The following ANOS1 variants were observed in gnomAD, a reference collection of about 807,000 sequenced individuals.
The protein encoded by ANOS1 is anosmin-1.
In ANOS1, 6 loss-of-function variants were observed where a neutral mutation model predicts 59.0. That is an observed-to-expected ratio of 0.10 (90% CI 0.06 to 0.20). The LOEUF (loss-of-function observed/expected upper bound fraction) is 0.20, where lower values mean the gene tolerates loss of function less well. Among genes scored for constraint, ANOS1 ranks in the 10% least tolerant of loss-of-function variants. The pLI is 1.00. For missense variants in ANOS1, 433 were observed against 542.3 expected, an observed-to-expected ratio of 0.80 and a Z score of 2.00; for synonymous variants, 217 against 223.4, an observed-to-expected ratio of 0.97 and a Z score of 0.25.
intron 12 of ANOS1, chrX:8,535,103 ATTT>A (rs139686267): frequency 4.4e-4 from 42 of 95,070 alleles, no homozygotes; most frequent in South Asian, 1.4e-3. Flanking sequence ...CCCACACATG[ATTT>A]TTTTTTTTTT....
Position 8,554,080 on chromosome X carries a change from G to A in ANOS1, c.1226C>T (p.Thr409Ile). Reference protein sequence around the residue: ...ATNNKEQLVKTRKGGIQTQLP... With the variant: ...ATNNKEQLVKIRKGGIQTQLP... ...TTGTGTTTGAATTCCACCTTTTCTA[G>A]TTTTCACAAGCTGTTCTTCTACAAC... is the stretch of plus-strand genomic sequence containing the variant. The change falls in exon 9 of 14, where the codon ACT becomes ATT. Residue 409 changes from threonine (T) to isoleucine (I), a missense_variant. Transcript: ENST00000262648. 8.3e-7 allele frequency: 1 copy of A among 1,203,113 alleles called. No individual in the cohort carries two copies. The highest frequency in any genetic ancestry group is 1.8e-5 in the South Asian group (1 of 56,687).
chrX:8,548,073 T>C (rs1446669064), intron 9 of ANOS1, among the ~76,000 whole-genome samples: 1 of 112,667 alleles, frequency 8.9e-6, no homozygotes, highest in Non-Finnish European at 1.9e-5. Flanking sequence ...CATTTTTGGA[T>C]GTATTAAAAT....
Position 8,532,778 on chromosome X carries a change from G to T in ANOS1, c.*217C>A. 1 of 373,471 alleles carries T rather than the reference G, an allele frequency of 2.7e-6. No homozygotes were observed. The highest frequency in any genetic ancestry group is 4.7e-6 in the Non-Finnish European group (1 of 212,808). 30.8% of individuals were successfully genotyped at this position (373,471 alleles called of 1,213,427 possible). On this transcript the variant is annotated 3_prime_UTR_variant, in exon 14 of 14. Transcript: ENST00000262648. ...CAGGCCTATTCTTCATTTTCTCCAT[G>T]CTTGTAGGGAACTGGTGTCTGTCTT... is the stretch of plus-strand genomic sequence containing the variant.
At chrX:8,662,389 G>T (rs1455098428) in intron 2 of ANOS1, among the ~76,000 whole-genome samples, 1 of 111,589 alleles carries the variant, frequency 9.0e-6, no homozygotes, top group Admixed American at 9.5e-5. Context: ...AACACCACAG[G>T]TCCTGGTTTT....
chrX:8,693,344 C>A (rs1422291358), intron 2 of ANOS1, among the ~76,000 whole-genome samples: 1 of 111,512 alleles, frequency 9.0e-6, no homozygotes, highest in Non-Finnish European at 1.9e-5. Context: ...TCTGTATCAC[C>A]TATGTTCCCT....
intron 2 of ANOS1, among the ~76,000 whole-genome samples, chrX:8,685,755 A>T (rs994048209): frequency 8.9e-6 from 1 of 111,830 alleles, no homozygotes; most frequent in African/African-American, 3.3e-5. Flanking sequence ...CAAGATTTAC[A>T]AAGTGCACAC....
intron 8 of ANOS1, among the ~76,000 whole-genome samples, chrX:8,556,857 T>A (rs1419568762): frequency 9.1e-6 from 1 of 110,077 alleles, no homozygotes; most frequent in Non-Finnish European, 1.9e-5. Flanking sequence ...CAAAAAAGAG[T>A]CCATATAGCC....
At chrX:8,613,813 T>C (rs1931110726) in intron 3 of ANOS1, among the ~76,000 whole-genome samples, 1 of 111,494 alleles carries the variant, frequency 9.0e-6, no homozygotes, top group African/African-American at 3.3e-5. Context: ...TAAACATGGC[T>C]ATCCCTAAAA....
intron 3 of ANOS1, among the ~76,000 whole-genome samples, chrX:8,599,538 G>A (rs776346731): frequency 8.9e-6 from 1 of 111,786 alleles, no homozygotes; most frequent in African/African-American, 3.3e-5. Context: ...CTGCACCATC[G>A]TGACACCTGG....
At chrX:8,677,642 G>A (rs1436100952) in intron 2 of ANOS1, among the ~76,000 whole-genome samples, 2 of 111,378 alleles carry the variant, frequency 1.8e-5, no homozygotes, top group East Asian at 2.8e-4. Flanking sequence ...ATTATTTTTC[G>A]AAAACAGATA....
At chrX:8,655,538 A>T (rs988726872) in intron 2 of ANOS1, among the ~76,000 whole-genome samples, 1 of 111,416 alleles carries the variant, frequency 9.0e-6, no homozygotes, top group African/African-American at 3.3e-5. Context: ...CACTTGAGAC[A>T]CATCACCACA....
At chrX:8,653,434 T>C (rs1044745152) in intron 2 of ANOS1, among the ~76,000 whole-genome samples, 2 of 111,147 alleles carry the variant, frequency 1.8e-5, no homozygotes, top group East Asian at 2.8e-4. Flanking sequence ...ATTCTTGTTA[T>C]CTACTCCAGT....
intron 1 of ANOS1, among the ~76,000 whole-genome samples, chrX:8,711,159 A>G (rs769711707): frequency 8.9e-6 from 1 of 112,451 alleles, no homozygotes; most frequent in South Asian, 3.7e-4. Context: ...CAAAATTACC[A>G]TGCCTAAGAC....
At chrX:8,680,584 T>C (rs1932410240) in intron 2 of ANOS1, among the ~76,000 whole-genome samples, 1 of 111,511 alleles carries the variant, frequency 9.0e-6, no homozygotes, top group Admixed American at 9.6e-5. Context: ...TCTAATCAAC[T>C]GTGCTTATTT....
intron 2 of ANOS1, among the ~76,000 whole-genome samples, chrX:8,684,653 C>A (rs890320483): frequency 9.1e-6 from 1 of 110,185 alleles, no homozygotes; most frequent in Admixed American, 9.7e-5. Context: ...GCCTGCCCCC[C>A]ACCCCCCGCC....
intron 2 of ANOS1, among the ~76,000 whole-genome samples, chrX:8,692,482 C>T (rs1164977823): frequency 9.0e-6 from 1 of 110,917 alleles, no homozygotes; most frequent in Non-Finnish European, 1.9e-5. Flanking sequence ...ACTCAAAATA[C>T]GGCACCTTGG....
chrX:8,689,802 AAGAG>A (rs1602026850), intron 2 of ANOS1, among the ~76,000 whole-genome samples: 1 of 109,991 alleles, frequency 9.1e-6, no homozygotes, highest in African/African-American at 3.3e-5. Context: ...GAGAGAGAGA[AAGAG>A]AGAGAGACTT....
At chrX:8,707,588 C>A (rs1180881505) in intron 1 of ANOS1, among the ~76,000 whole-genome samples, 2 of 111,789 alleles carry the variant, frequency 1.8e-5, no homozygotes, top group Non-Finnish European at 3.8e-5. Flanking sequence ...CCAGACTTTT[C>A]TTCTTCTCAT....
chrX:8,683,734 A>G (rs1932462543), intron 2 of ANOS1, among the ~76,000 whole-genome samples: 1 of 111,821 alleles, frequency 8.9e-6, no homozygotes, highest in African/African-American at 3.2e-5. Context: ...TATTCTTTAA[A>G]TCATCTTAGG....
Sources: gnomAD v4.1 joint callset for allele counts (sites outside exome capture counted in the v4.1 genomes callset) on GRCh38, gnomAD v4.1.1 for gene constraint, MANE v1.5 for transcripts, NCBI Gene and HGNC (gene_info 2026-07-23, HGNC 2026-07-21) for gene names.